The following GARS1 variants were observed in gnomAD, a reference collection of about 807,000 sequenced individuals.
The protein encoded by GARS1 is glycine--tRNA ligase.
A neutral mutation model predicts 86.4 loss-of-function variants in GARS1; 46 were observed. The observed-to-expected ratio is 0.53, with a 90% CI of 0.42 to 0.68. The LOEUF (loss-of-function observed/expected upper bound fraction) is 0.68. Ranked by LOEUF, GARS1 falls within the 30% of genes least tolerant of loss-of-function variation. The pLI, the probability that GARS1 is intolerant of heterozygous loss-of-function variation, is 0.00. For synonymous variants in GARS1, 342 were observed against 329.8 expected, an observed-to-expected ratio of 1.04 and a Z score of -0.40; for missense variants, 797 against 915.6, an observed-to-expected ratio of 0.87 and a Z score of 1.67.
intron 4 of GARS1, among the ~76,000 whole-genome samples, chr7:30,601,844 T>C (rs1406474022): frequency 1.3e-5 from 2 of 152,140 alleles, no homozygotes; most frequent in African/African-American, 4.8e-5. Flanking sequence ...AGTGGCTTGA[T>C]CTCGGCTCAC....
intron 6 of GARS1, among the ~76,000 whole-genome samples, chr7:30,604,930 A>G (rs1390190839): frequency 3.3e-5 from 5 of 152,244 alleles, no homozygotes; most frequent in Admixed American, 3.3e-4. Context: ...GTTGGGAAGT[A>G]ACTAGTTGAT....
intron 12 of GARS1, among the ~76,000 whole-genome samples, 153 bp from the exon 13 acceptor site, chr7:30,626,081 T>C (rs542253223): frequency 7.9e-5 from 12 of 152,352 alleles, no homozygotes; most frequent in African/African-American, 1.7e-4. Flanking sequence ...GTGTTTCTTA[T>C]GAAATAATTT....
intron 8 of GARS1, among the ~76,000 whole-genome samples, chr7:30,612,781 T>G (rs994990020): frequency 3.9e-5 from 6 of 152,154 alleles, no homozygotes; most frequent in Non-Finnish European, 8.8e-5. Context: ...AAGCTTACCC[T>G]CATCACTCAC....
In GARS1 at chr7:30,598,824, A is replaced by G. The variant is rs749199700; in HGVS notation, c.251A>G (p.Asp84Gly). Residue 84 changes from aspartate (D) to glycine (G), a missense_variant, in exon 2 of 17, where the codon GAT becomes GGT. By Grantham distance (94) the Asp-to-Gly change is moderately conservative. Around this residue, in one of 2 missense-constraint regions of GARS1, gnomAD observed 199 missense variants for 176.9 expected, o/e 1.12. Coordinates refer to ENST00000389266, the MANE Select transcript of GARS1 (RefSeq NM_002047.4). ...GATCTTGTGCGAAAACTCAAAGAAGATAAAGCACCCCAAGTAGACGTAGAC... is the reference window on the plus strand; with the variant it reads ...GATCTTGTGCGAAAACTCAAAGAAGGTAAAGCACCCCAAGTAGACGTAGAC... ...QGDLVRKLKE[D>G]KAPQVDVDKA... 4.3e-6 allele frequency: 7 copies of G among 1,614,090 alleles called. No individual in the cohort carries two copies. The highest frequency in any genetic ancestry group is 4.2e-6 in the Non-Finnish European group (5 of 1,180,020).
rs1446003759 is a variant in GARS1 at position 30,595,089 on chromosome 7, C to G, written c.168C>G (p.Asp56Glu). Residue 56 changes from aspartate to glutamate, a missense_variant, in exon 1 of 17, where the codon GAC (aspartate) becomes GAG (glutamate). Asp to Glu is a conservative substitution (Grantham distance 45, BLOSUM62 2). This residue lies in a region of GARS1 where 199 missense variants were observed against 176.9 expected (regional missense o/e 1.12). Transcript: ENST00000389266. Reference sequence around the variant, plus strand: ...CCGCCGCCTCCCGGAGCAGCATGGACGGCGCGGGGGCTGAGGAGGTGCTGG... The same window carrying G: ...CCGCCGCCTCCCGGAGCAGCATGGAGGGCGCGGGGGCTGAGGAGGTGCTGG... ...LPAAASRSSM[D>E]GAGAEEVLAP... 1 of 1,544,968 alleles carries G rather than the reference C, an allele frequency of 6.5e-7. No homozygotes were observed. The highest frequency in any genetic ancestry group is 8.7e-7 in the Non-Finnish European group (1 of 1,150,800).
In GARS1 at chr7:30,633,911, ACTACTCTTATGTCCACTTTAC is replaced by A; in HGVS notation, c.*52_*72del. On this transcript the variant is annotated 3_prime_UTR_variant, in exon 17 of 17. Coordinates refer to ENST00000389266, the MANE Select transcript of GARS1 (RefSeq NM_002047.4). ...CTTGCGCTAATAAAAAAAAAAAAAA[ACTACTCTTATGTCCACTTTAC>A]AAAAGAAAACAGCATTGTGATTACT... The A allele has an allele frequency of 4.4e-6, 5 of 1,125,424 alleles. No individual in the cohort carries two copies. The highest frequency in any genetic ancestry group is 6.7e-6 in the Non-Finnish European group (5 of 748,650). The allele number at this position is 1,125,424 out of a possible 1,614,324, so 69.7% of individuals were successfully genotyped here. A position where few individuals can be genotyped will look rare whatever the true frequency, so the allele number is the denominator to read the frequency against.
chr7:30,628,723 G>A (rs1783179763), intron 14 of GARS1, 54 bp downstream of exon 14: 1 of 1,147,426 alleles, frequency 8.7e-7, no homozygotes, highest in Admixed American at 1.7e-5. Flanking sequence ...AAAATTTTCT[G>A]AATTACATTG....
Position 30,595,160 on chromosome 7 carries a change from C to A in GARS1, c.222+17C>A. On this transcript the variant is annotated intron_variant, in intron 1 of 16. Transcript: ENST00000389266. Reference sequence around the variant, plus strand: ...CGCCAGCAGGTACCGGTGTTTTGCGCTCTCCGCTAAGCCTCCGGCTCTCCT... The same window carrying A: ...CGCCAGCAGGTACCGGTGTTTTGCGATCTCCGCTAAGCCTCCGGCTCTCCT... 17 of 1,533,612 alleles carry A rather than the reference C, an allele frequency of 1.1e-5. No individual in the cohort carries two copies. Among genetic ancestry groups the A allele is most frequent in the Non-Finnish European group, 1.5e-5 (17 of 1,143,916 alleles).
chr7:30,628,691 G>A (rs937978905), intron 14 of GARS1, 22 bp downstream of exon 14: 1 of 1,503,210 alleles, frequency 6.7e-7, no homozygotes, highest in Non-Finnish European at 9.3e-7. Context: ...TGTACAGTGT[G>A]CTGTTATAGT....
intron 8 of GARS1, among the ~76,000 whole-genome samples, chr7:30,615,149 A>T (rs1782866467): frequency 6.6e-6 from 1 of 152,226 alleles, no homozygotes; most frequent in Non-Finnish European, 1.5e-5. Context: ...GCTTGATGTT[A>T]GCTTGTTCAA....
At chr7:30,608,784 G>A (rs960526696) in intron 6 of GARS1, among the ~76,000 whole-genome samples, 1 of 152,172 alleles carries the variant, frequency 6.6e-6, no homozygotes, top group South Asian at 2.1e-4. Flanking sequence ...TCTTAGAGAG[G>A]TTAGGTAAGA....
chr7:30,597,945 AATATGGAATTAGT>A (rs1249386941), intron 1 of GARS1, among the ~76,000 whole-genome samples: 1 of 152,230 alleles, frequency 6.6e-6, no homozygotes, highest in Non-Finnish European at 1.5e-5. Flanking sequence ...TATTACTATA[AATATGGAATTAGT>A]ATAAGTTGTT....
In GARS1 at chr7:30,633,846, A is replaced by C. The variant is rs1785775131; in HGVS notation, c.2206A>C (p.Thr736Pro). 6.2e-7 allele frequency: 1 copy of C among 1,613,572 alleles called. No homozygotes were observed. Among genetic ancestry groups the C allele is most frequent in the Middle Eastern group, 1.7e-4 (1 of 6,060 alleles). ...FEGQETGKKE[T>P]IEE ...AGGGCAAGAGACTGGTAAAAAAGAG[A>C]CAATCGAGGAATGAGGACAATTTTG... Residue 736 changes from threonine to proline, a missense_variant, in exon 17 of 17, where the codon ACA becomes CCA. Coordinates refer to ENST00000389266, the MANE Select transcript of GARS1 (RefSeq NM_002047.4).
rs1791369066 is a variant in GARS1 at position 30,601,163 on chromosome 7, A to G, written c.532A>G (p.Ile178Val). ...TATCCAAGAGGAACAGATCCTGGAG[A>G]TCGATTGCACCATGCTCACCCCTGA... ...HFIQEEQILE[I>V]DCTMLTPEPV... The change falls in exon 4 of 17, where the codon ATC (isoleucine) becomes GTC (valine). Residue 178 changes from isoleucine to valine, a missense_variant. Coordinates refer to ENST00000389266, the MANE Select transcript of GARS1 (RefSeq NM_002047.4). 1 of 1,614,148 alleles carries G rather than the reference A, an allele frequency of 6.2e-7. No homozygotes were observed. Among genetic ancestry groups the G allele is most frequent in the Non-Finnish European group, 8.5e-7 (1 of 1,180,004 alleles).
intron 16 of GARS1, among the ~76,000 whole-genome samples, chr7:30,633,167 G>A (rs1202923982): frequency 6.6e-6 from 1 of 152,198 alleles, no homozygotes; most frequent in African/African-American, 2.4e-5. Flanking sequence ...TCCCCATCTG[G>A]GTGTGGTTCT....
chr7:30,614,534 G>A (rs976264262), intron 8 of GARS1, among the ~76,000 whole-genome samples: 2 of 152,118 alleles, frequency 1.3e-5, no homozygotes, highest in Admixed American at 1.3e-4. Context: ...TAAAACATAG[G>A]TGCAGCAGGA....
intron 13 of GARS1, chr7:30,626,980 CAAAA>C (rs1192203935): frequency 1.2e-3 from 379 of 313,200 alleles, no homozygotes; most frequent in Middle Eastern, 1.9e-3. Context: ...GACTCCGTCT[CAAAA>C]AAAAAAAAAA....
chr7:30,612,118 CAG>C lies in GARS1; in HGVS notation c.905_906del (p.Gln302ArgfsTer29). 1 of 1,613,976 alleles carries C rather than the reference CAG, an allele frequency of 6.2e-7. No homozygotes were observed. Among genetic ancestry groups the C allele is most frequent in the Non-Finnish European group, 8.5e-7 (1 of 1,179,870 alleles). Reference protein sequence around the residue: ...MPGYLRPETAQGIFLNFKRLL... With the variant: ...MPGYLRPETAXGIFLNFKRLL... ...TAGGTACTTGAGACCAGAAACTGCA[CAG>C]GGGATTTTCTTGAATTTCAAACGAC... On this transcript the variant is annotated frameshift_variant, in exon 8 of 17. Coordinates refer to ENST00000389266, the MANE Select transcript of GARS1 (RefSeq NM_002047.4). LOFTEE classifies it high-confidence loss of function.
chr7:30,622,022 G>A, intron 11 of GARS1: 1 of 427,546 alleles, frequency 2.3e-6, no homozygotes, highest in Non-Finnish European at 4.3e-6. Context: ...GAGCATTTTA[G>A]AAATACTTAT....
Sources: allele counts gnomAD v4.1 joint callset (sites outside exome capture counted in the v4.1 genomes callset), GRCh38; gene constraint gnomAD v4.1.1; regional missense constraint gnomAD v4.1.1; transcripts MANE v1.5; gene names NCBI Gene and HGNC (gene_info 2026-07-23, HGNC 2026-07-21).